Variants in AMPH observed in about 807,000 individuals in gnomAD.
AMPH encodes amphiphysin.
In AMPH, 49 loss-of-function variants were observed where a neutral mutation model predicts 99.1. That is an observed-to-expected ratio of 0.49 (90% CI 0.39 to 0.63). AMPH has a LOEUF of 0.63. Among genes scored for constraint, AMPH ranks in the 20% least tolerant of loss-of-function variants. AMPH has a pLI of 0.00. For missense variants in AMPH, 759 were observed against 863.4 expected (o/e 0.88, Z 1.52); for synonymous variants, 314 against 317.3 (o/e 0.99, Z 0.11).
chr7:38,441,652 T>C (rs76497855), intron 11 of AMPH, among the ~76,000 whole-genome samples: 8,465 of 151,276 alleles, frequency 0.056, 624 homozygotes, highest in East Asian at 0.35. Flanking sequence ...TTTGTGCGTT[T>C]GTCGCAGCAA....
chr7:38,575,552 T>C (rs1381172413), intron 1 of AMPH, among the ~76,000 whole-genome samples: 1 of 152,162 alleles, frequency 6.6e-6, no homozygotes, highest in East Asian at 1.9e-4. Flanking sequence ...CTGATGGTTT[T>C]ATAACATTTC....
chr7:38,623,891 G>T (rs1389437882), intron 1 of AMPH, among the ~76,000 whole-genome samples: 1 of 152,160 alleles, frequency 6.6e-6, no homozygotes, highest in African/African-American at 2.4e-5. Context: ...AATCAACATT[G>T]CACTGAAGCA....
chr7:38,390,525 C>T (rs545998186), intron 19 of AMPH, among the ~76,000 whole-genome samples: 11 of 152,296 alleles, frequency 7.2e-5, no homozygotes, highest in Admixed American at 2.6e-4. Flanking sequence ...ACTGTCATGG[C>T]TGATTTTATT....
chr7:38,595,071 G>A (rs1372890130), intron 1 of AMPH, among the ~76,000 whole-genome samples: 1 of 152,190 alleles, frequency 6.6e-6, no homozygotes, highest in Non-Finnish European at 1.5e-5. Context: ...ACAGGGACAG[G>A]AGTCTGCTAA....
intron 17 of AMPH, among the ~76,000 whole-genome samples, chr7:38,401,583 T>G (rs1784841682): frequency 6.6e-6 from 1 of 152,232 alleles, no homozygotes; most frequent in African/African-American, 2.4e-5. Flanking sequence ...ATTACTGTAT[T>G]GTGTTTCTTT....
In AMPH at chr7:38,503,683, G is replaced by A. The variant is rs771517892; in HGVS notation, c.172C>T (p.Arg58Ter). ...RQEAEGTRLQ[R>*]ELRGYLAAIK... Reference sequence around the variant, plus strand: ...GCTGCTAAATATCCTCGGAGTTCTCGCTGAAGTCTGGTACCCTCTGCCTAA... The same window carrying A: ...GCTGCTAAATATCCTCGGAGTTCTCACTGAAGTCTGGTACCCTCTGCCTAA... The change falls in exon 3 of 21, where the codon CGA becomes TGA. Residue 58 changes from arginine (R) to a stop codon, truncating the protein, a stop_gained. Transcript: ENST00000356264. LOFTEE classifies it high-confidence loss of function. 5.6e-6 allele frequency: 9 copies of A among 1,613,862 alleles called. No homozygotes were observed. The highest frequency in any genetic ancestry group is 1.7e-5 in the Admixed American group (1 of 59,996).
intron 1 of AMPH, among the ~76,000 whole-genome samples, chr7:38,615,036 C>T (rs960683469): frequency 2.0e-5 from 3 of 152,212 alleles, no homozygotes; most frequent in African/African-American, 7.2e-5. Context: ...TACTCCCCTA[C>T]ACTACATGAC....
chr7:38,616,904 A>G (rs17346292), intron 1 of AMPH, among the ~76,000 whole-genome samples: 12,195 of 152,230 alleles, frequency 0.08, 807 homozygotes, highest in African/African-American at 0.17. Context: ...TTCTGGAATT[A>G]CCCTGTGACT....
At chr7:38,470,856 A>G (rs1021015751) in intron 7 of AMPH, among the ~76,000 whole-genome samples, 1 of 152,148 alleles carries the variant, frequency 6.6e-6, no homozygotes, top group African/African-American at 2.4e-5. Flanking sequence ...TTGAGGGACA[A>G]CTTCCCTAAA....
At chr7:38,596,564 GC>G (rs1417859964) in intron 1 of AMPH, among the ~76,000 whole-genome samples, 1 of 152,086 alleles carries the variant, frequency 6.6e-6, no homozygotes, top group Non-Finnish European at 1.5e-5. Flanking sequence ...CCCAACTTGT[GC>G]TTTCATGTTG....
intron 1 of AMPH, among the ~76,000 whole-genome samples, chr7:38,615,619 T>C (rs1793846932): frequency 6.7e-6 from 1 of 150,354 alleles, no homozygotes; most frequent in South Asian, 2.1e-4. Flanking sequence ...GTGAGGATAA[T>C]GTCAGGGTCA....
chr7:38,441,400 C>T (rs951247984), intron 11 of AMPH, among the ~76,000 whole-genome samples: 1 of 152,050 alleles, frequency 6.6e-6, no homozygotes, highest in African/African-American at 2.4e-5. Context: ...TTATAACATT[C>T]TATCCAACAA....
At chr7:38,439,060 T>C (rs960202656) in intron 11 of AMPH, among the ~76,000 whole-genome samples, 3 of 152,168 alleles carry the variant, frequency 2.0e-5, no homozygotes, top group African/African-American at 7.2e-5. Flanking sequence ...GAATGAGTTC[T>C]CATGAGAGTT....
intron 1 of AMPH, among the ~76,000 whole-genome samples, chr7:38,573,780 CACTT>C (rs1792133307): frequency 6.6e-6 from 1 of 152,282 alleles, no homozygotes; most frequent in Admixed American, 6.5e-5. Context: ...TGCTTTAAAG[CACTT>C]AATAATACCA....
At chr7:38,390,407 C>T (rs1434937209) in intron 19 of AMPH, among the ~76,000 whole-genome samples, 1 of 152,012 alleles carries the variant, frequency 6.6e-6, no homozygotes, top group African/African-American at 2.4e-5. Context: ...TTTTCCTTTC[C>T]CATTTTGAAA....
chr7:38,577,458 T>C (rs544369113), intron 1 of AMPH, among the ~76,000 whole-genome samples: 11 of 152,356 alleles, frequency 7.2e-5, no homozygotes, highest in Middle Eastern at 3.4e-3. Flanking sequence ...TTAGATTCTT[T>C]ATTCCCTTGC....
chr7:38,390,985 GAGAGAGA>G (rs1457159442), intron 19 of AMPH, among the ~76,000 whole-genome samples: 4 of 58,520 alleles, frequency 6.8e-5, no homozygotes, highest in African/African-American at 3.3e-4. Context: ...GAGAGAGAGA[GAGAGAGA>G]GAGAGAGAGA....
intron 1 of AMPH, among the ~76,000 whole-genome samples, chr7:38,558,327 G>A (rs1791437637): frequency 6.6e-6 from 1 of 152,202 alleles, no homozygotes; most frequent in Admixed American, 6.5e-5. Flanking sequence ...ACCACCCACA[G>A]GCGACAGAAG....
At position 38,622,163 on chromosome 7, in the gene AMPH, C is replaced by T. The variant is rs1246842493; in HGVS notation, c.69+9120G>A. On this transcript the variant is annotated intron_variant, in intron 1 of 20. Coordinates refer to ENST00000356264, the MANE Select transcript of AMPH (RefSeq NM_001635.4). The stretch of plus-strand genomic sequence containing the variant: ...ATATCTGCAACACAAGGAATCTTTA[C>T]ATCTTTTGTCCCTTTTACAGGAGCC... Among the ~76,000 whole-genome samples, 3 of 152,160 alleles carry T rather than the reference C, an allele frequency of 2.0e-5. No homozygotes were observed. In the East Asian group the frequency reaches 5.8e-4, roughly 29 times the overall value.
Sources: allele counts gnomAD v4.1 joint callset (sites outside exome capture counted in the v4.1 genomes callset), GRCh38; gene constraint gnomAD v4.1.1; transcripts MANE v1.5; gene names NCBI Gene and HGNC (gene_info 2026-07-23, HGNC 2026-07-21).